Variants in UBE2E2 observed in about 807,000 individuals in gnomAD.
UBE2E2 encodes ubiquitin-conjugating enzyme E2 E2.
In UBE2E2, 6 loss-of-function variants were observed where a neutral mutation model predicts 24.7. That is an observed-to-expected ratio of 0.24 (90% confidence interval 0.13 to 0.48). UBE2E2 has a LOEUF of 0.48. Among genes scored for constraint, UBE2E2 ranks in the 20% least tolerant of loss-of-function variants. The pLI, the probability that UBE2E2 is intolerant of heterozygous loss-of-function variation, is 0.99. For synonymous variants in UBE2E2, 104 were observed against 83.6 expected, an observed-to-expected ratio of 1.24 and a Z score of -1.33; for missense variants, 169 against 245.0, an observed-to-expected ratio of 0.69 and a Z score of 2.07.
intron 3 of UBE2E2, among the ~76,000 whole-genome samples, chr3:23,387,950 GACATTTGGATGAAAACA>G (rs1696840033): frequency 6.6e-6 from 1 of 152,096 alleles, no homozygotes; most frequent in Non-Finnish European, 1.5e-5. Flanking sequence ...TTACAGAAGA[GACATTTGGATGAAAACA>G]ACCAAATGAC....
Position 23,255,079 on chromosome 3 carries a change from CTTTTTTTT to C in UBE2E2, c.227+37785_227+37792del, listed in dbSNP as rs202015038. On this transcript the variant is annotated intron_variant, in intron 3 of 5. Transcript: ENST00000396703. ...TGAGATCAGTTTAAGGAGTAACTTC[CTTTTTTTT>C]TTTTTTTTTTTTTTTTTGAGACAGG... Among the ~76,000 whole-genome samples, 55 of 85,952 alleles carry C rather than the reference CTTTTTTTT, an allele frequency of 6.4e-4. 1 individual carries two copies. The East Asian group carries it at 0.016, about 25-fold the overall frequency. 56.4% of individuals were successfully genotyped at this position (85,952 alleles called of 152,430 possible). A position where few individuals can be genotyped will look rare whatever the true frequency, so the allele number is the denominator to read the frequency against.
At chr3:23,445,895 C>T (rs927180965) in intron 3 of UBE2E2, among the ~76,000 whole-genome samples, 9 of 152,156 alleles carry the variant, frequency 5.9e-5, no homozygotes, top group Admixed American at 5.9e-4. Context: ...TCTTCTCTGC[C>T]ACTGAACCCC....
At position 23,351,200 on chromosome 3, in the gene UBE2E2, A is replaced by C. The variant is rs540253615; in HGVS notation, c.227+133888A>C. Among the ~76,000 whole-genome samples, 369 of 152,320 alleles carry C rather than the reference A, an allele frequency of 2.4e-3. 3 individuals are homozygous for C. The highest frequency in any genetic ancestry group is 8.3e-3 in the African/African-American group (347 of 41,578). ...CAAGCAAATGCTGAGAGATTTTGTCACCACCAGGCCTGCCCTAAAAGAGCT... is the reference window on the plus strand; with the variant it reads ...CAAGCAAATGCTGAGAGATTTTGTCCCCACCAGGCCTGCCCTAAAAGAGCT... On this transcript the variant is annotated intron_variant, in intron 3 of 5. Transcript: ENST00000396703.
intron 3 of UBE2E2, among the ~76,000 whole-genome samples, chr3:23,235,544 G>T (rs17342342): frequency 6.6e-6 from 1 of 151,856 alleles, no homozygotes; most frequent in Non-Finnish European, 1.5e-5. Context: ...ATTAAGATCA[G>T]TCTGGTTGCT....
intron 3 of UBE2E2, among the ~76,000 whole-genome samples, chr3:23,396,193 A>G (rs952783790): frequency 7.9e-5 from 12 of 151,084 alleles, no homozygotes; most frequent in African/African-American, 1.2e-4. Flanking sequence ...AATTTTGCCT[A>G]TGAATTTGTA....
chr3:23,267,540 C>A (rs1698084605), intron 3 of UBE2E2, among the ~76,000 whole-genome samples: 1 of 152,166 alleles, frequency 6.6e-6, no homozygotes, highest in East Asian at 1.9e-4. Context: ...CAATAACAGA[C>A]TCTGAAATTG....
At chr3:23,267,281 G>A (rs1040108559) in intron 3 of UBE2E2, among the ~76,000 whole-genome samples, 33 of 151,616 alleles carry the variant, frequency 2.2e-4, no homozygotes, top group East Asian at 1.9e-4. Flanking sequence ...TTTTTTGAAA[G>A]GATCAACAAA....
intron 3 of UBE2E2, among the ~76,000 whole-genome samples, chr3:23,385,136 A>G (rs777748463): frequency 6.6e-6 from 1 of 152,204 alleles, no homozygotes; most frequent in Non-Finnish European, 1.5e-5. Context: ...ACTGCTTTAA[A>G]GAAATAATTT....
chr3:23,586,977 T>C (rs1255492504), intron 5 of UBE2E2, among the ~76,000 whole-genome samples: 3 of 152,182 alleles, frequency 2.0e-5, no homozygotes, highest in Non-Finnish European at 4.4e-5. Context: ...ACAGCAGTTT[T>C]CTTTGCGTGG....
intron 3 of UBE2E2, among the ~76,000 whole-genome samples, chr3:23,432,939 GAA>G (rs1698097353): frequency 2.6e-5 from 4 of 151,924 alleles, no homozygotes; most frequent in African/African-American, 9.6e-5. Context: ...TATCATGATA[GAA>G]AGATTCTTGA....
intron 3 of UBE2E2, among the ~76,000 whole-genome samples, chr3:23,433,120 A>T (rs778502): frequency 2.6e-5 from 4 of 151,776 alleles, no homozygotes; most frequent in Non-Finnish European, 5.9e-5. Context: ...TTGTTTATTC[A>T]TACAGAAAAT....
At chr3:23,533,838 G>A (rs1471941383) in intron 5 of UBE2E2, among the ~76,000 whole-genome samples, 1 of 151,890 alleles carries the variant, frequency 6.6e-6, no homozygotes, top group East Asian at 1.9e-4. Context: ...GGCCAGCCAG[G>A]TCTCGAACTC....
intron 3 of UBE2E2, among the ~76,000 whole-genome samples, chr3:23,267,085 G>T (rs1698070025): frequency 6.6e-6 from 1 of 151,678 alleles, no homozygotes; most frequent in South Asian, 2.1e-4. Flanking sequence ...AGCACTAAAT[G>T]CCCACAAGAG....
chr3:23,232,590 G>C (rs1440297394), intron 3 of UBE2E2, among the ~76,000 whole-genome samples: 2 of 152,110 alleles, frequency 1.3e-5, no homozygotes, highest in African/African-American at 4.8e-5. Context: ...ATAAATGTTA[G>C]TGAAGAAAAG....
chr3:23,210,313 G>C (rs1237486716), intron 2 of UBE2E2, among the ~76,000 whole-genome samples: 1 of 152,160 alleles, frequency 6.6e-6, no homozygotes. Context: ...TGGTTGGCCA[G>C]GTCTGTGGGG....
In UBE2E2 at chr3:23,536,973, A is replaced by G. The variant is rs181079883; in HGVS notation, c.508+4272A>G. On this transcript the variant is annotated intron_variant, in intron 5 of 5. Coordinates refer to ENST00000396703, the MANE Select transcript of UBE2E2 (RefSeq NM_152653.4). Reference sequence around the variant, plus strand: ...AACGAGATAATGTATAATGAAACCAATTTTACCATAGGCTGATTGATCTAA... The same window carrying G: ...AACGAGATAATGTATAATGAAACCAGTTTTACCATAGGCTGATTGATCTAA... 1.8e-4 allele frequency among the ~76,000 whole-genome samples: 27 copies of G among 152,326 alleles called. No individual in the cohort carries two copies. The East Asian group carries it at 4.6e-3, about 26-fold the overall frequency.
chr3:23,331,367 C>T (rs1368225869), intron 3 of UBE2E2, among the ~76,000 whole-genome samples: 1 of 152,058 alleles, frequency 6.6e-6, no homozygotes, highest in African/African-American at 2.4e-5. Flanking sequence ...AAAGTACTGC[C>T]AACCTGGAGT....
intron 5 of UBE2E2, among the ~76,000 whole-genome samples, chr3:23,552,454 A>T (rs1438785198): frequency 6.6e-6 from 1 of 152,160 alleles, no homozygotes; most frequent in Non-Finnish European, 1.5e-5. Context: ...TTTCATGATA[A>T]GCGCCTGTTT....
At chr3:23,393,259 A>C (rs961018914) in intron 3 of UBE2E2, among the ~76,000 whole-genome samples, 2 of 152,202 alleles carry the variant, frequency 1.3e-5, no homozygotes, top group African/African-American at 2.4e-5. Flanking sequence ...AAGAAGTATG[A>C]GGGAGAGGAA....
Sources: gnomAD v4.1 joint callset for allele counts (sites outside exome capture counted in the v4.1 genomes callset) on GRCh38, gnomAD v4.1.1 for gene constraint, MANE v1.5 for transcripts, NCBI Gene and HGNC (gene_info 2026-07-23, HGNC 2026-07-21) for gene names.